Variants in C13orf42 observed in about 807,000 individuals in gnomAD.
C13orf42 encodes chromosome 13 open reading frame 42, also known as uncharacterized protein C13orf42.
intron 1 of C13orf42, among the ~76,000 whole-genome samples, chr13:51,159,532 G>A (rs565721140): frequency 5.9e-5 from 9 of 152,222 alleles, no homozygotes; most frequent in South Asian, 2.1e-4. Context: ...TTGAATTTTC[G>A]TTGACTTTCA....
intron 1 of C13orf42, among the ~76,000 whole-genome samples, chr13:51,164,627 T>C (rs1566143697): frequency 6.6e-6 from 1 of 152,162 alleles, no homozygotes; most frequent in East Asian, 1.9e-4. Context: ...ACCACTGCGC[T>C]CCAGCCTGGG....
chr13:51,118,516 T>G (rs749097619), intron 1 of C13orf42, among the ~76,000 whole-genome samples: 1 of 152,188 alleles, frequency 6.6e-6, no homozygotes, highest in Non-Finnish European at 1.5e-5. Flanking sequence ...GAGTCTTCCC[T>G]AGAATCAGGA....
chr13:51,121,537 TC>T (rs1197050292), intron 1 of C13orf42, among the ~76,000 whole-genome samples: 5 of 118,478 alleles, frequency 4.2e-5, no homozygotes, highest in African/African-American at 1.9e-4. Flanking sequence ...AAAAAAATTT[TC>T]TTTTTTTTTT....
intron 1 of C13orf42, among the ~76,000 whole-genome samples, chr13:51,131,157 A>C (rs1396904905): frequency 6.6e-6 from 1 of 152,222 alleles, no homozygotes; most frequent in Non-Finnish European, 1.5e-5. Context: ...AGCTATTTAC[A>C]GCTTTTGACA....
chr13:51,096,095 G>A (rs1237249969), intron 1 of C13orf42, among the ~76,000 whole-genome samples: 1 of 152,194 alleles, frequency 6.6e-6, no homozygotes, highest in Non-Finnish European at 1.5e-5. Context: ...ATACATCACA[G>A]ATTTTAAATC....
intron 1 of C13orf42, among the ~76,000 whole-genome samples, chr13:51,104,412 C>A (rs796448919): frequency 1.3e-5 from 2 of 152,058 alleles, no homozygotes; most frequent in Admixed American, 1.3e-4. Flanking sequence ...GTACATGGAG[C>A]GTGGTGGCTC....
chr13:51,133,050 G>C (rs900800151), intron 1 of C13orf42, among the ~76,000 whole-genome samples: 1 of 152,190 alleles, frequency 6.6e-6, no homozygotes, highest in African/African-American at 2.4e-5. Flanking sequence ...TCCACCCCTT[G>C]TTTGGCATAC....
In C13orf42 at chr13:51,109,805, C is replaced by T. The variant is rs183951593; in HGVS notation, c.414+991G>A. ...AGGAAAGAGTAACTGAATGAATTGC[C>T]GGCTCATAATTAAAATTAGGTGACC... On this transcript the variant is annotated intron_variant, in intron 1 of 3. Transcript: ENST00000563710. 7.4e-3 allele frequency among the ~76,000 whole-genome samples: 1,131 copies of T among 152,130 alleles called. 4 individuals carry two copies. The highest frequency in any genetic ancestry group is 0.012 in the Non-Finnish European group (798 of 67,986).
chr13:51,142,534 T>C (rs1953702916), intron 1 of C13orf42, among the ~76,000 whole-genome samples: 1 of 151,206 alleles, frequency 6.6e-6, no homozygotes. Context: ...ATTAAATTAA[T>C]AGATATTTCA....
chr13:51,165,157 G>C (rs1194555979), intron 1 of C13orf42, among the ~76,000 whole-genome samples: 1 of 152,144 alleles, frequency 6.6e-6, no homozygotes, highest in Non-Finnish European at 1.5e-5. Flanking sequence ...CAGCCAATGG[G>C]AGCATGAGCA....
chr13:51,113,348 C>A (rs558548080), upstream of C13orf42: 1 of 152,208 alleles, frequency 6.6e-6, no homozygotes, highest in African/African-American at 2.4e-5. Flanking sequence ...TCACCTCCGA[C>A]GCCAGTCCTG....
At chr13:51,086,512 G>C (rs1042144022) in intron 2 of C13orf42, among the ~76,000 whole-genome samples, 2 of 150,748 alleles carry the variant, frequency 1.3e-5, no homozygotes, top group African/African-American at 5.0e-5. Context: ...GTGAGAGAGA[G>C]AGTGTGTGTG....
At chr13:51,171,606 T>C (rs1009153013) in intron 1 of C13orf42, among the ~76,000 whole-genome samples, 13 of 152,086 alleles carry the variant, frequency 8.5e-5, no homozygotes, top group African/African-American at 3.1e-4. Context: ...CTCCACCCTA[T>C]AATCTTTTTA....
chr13:51,142,051 C>T (rs954656216), intron 1 of C13orf42, among the ~76,000 whole-genome samples: 1 of 152,132 alleles, frequency 6.6e-6, no homozygotes, highest in Non-Finnish European at 1.5e-5. Context: ...AACTACAAAC[C>T]CAGCCCAAAT....
chr13:51,115,054 T>C (rs930405306), upstream of C13orf42, among the ~76,000 whole-genome samples: 2 of 152,126 alleles, frequency 1.3e-5, no homozygotes, highest in Non-Finnish European at 2.9e-5. Flanking sequence ...GAGCACTTAA[T>C]ATGCATATTT....
chr13:51,171,712 G>A (rs944179946), intron 1 of C13orf42, among the ~76,000 whole-genome samples: 3 of 152,112 alleles, frequency 2.0e-5, no homozygotes, highest in African/African-American at 4.8e-5. Context: ...AAAGGTGGCT[G>A]GAGCTAAAGG....
At chr13:51,172,231 A>G (rs957962307) in intron 1 of C13orf42, 1 of 152,136 alleles carries the variant, frequency 6.6e-6, no homozygotes, top group African/African-American at 2.4e-5. Flanking sequence ...GACCCCACTG[A>G]AAATCGGACT....
chr13:51,121,465 A>C (rs1342098660), intron 1 of C13orf42, among the ~76,000 whole-genome samples: 1 of 152,156 alleles, frequency 6.6e-6, no homozygotes, highest in African/African-American at 2.4e-5. Context: ...AATACATATC[A>C]AAATCCTTAA....
chr13:51,134,110 C>T (rs1162215751), intron 1 of C13orf42, among the ~76,000 whole-genome samples: 2 of 152,130 alleles, frequency 1.3e-5, no homozygotes, highest in African/African-American at 4.8e-5. Flanking sequence ...GCAGAATTTC[C>T]TGAAAATCTA....
Sources: gnomAD v4.1 joint callset for allele counts (sites outside exome capture counted in the v4.1 genomes callset) on GRCh38, gnomAD v4.1.1 for gene constraint, MANE v1.5 for transcripts, NCBI Gene and HGNC (gene_info 2026-07-23, HGNC 2026-07-21) for gene names.